MGAM2: variants seen among roughly 807,000 people sequenced by gnomAD.
The protein encoded by MGAM2 is probable maltase-glucoamylase 2.
In MGAM2, 98 loss-of-function variants were observed where a neutral mutation model predicts 96.1. The observed-to-expected ratio is 1.02, with a 90% CI of 0.87 to 1.21. The LOEUF is 1.21. MGAM2 is among the 50% of genes most tolerant of loss of function. The pLI is 0.00. For synonymous variants in MGAM2, 749 were observed against 414.8 expected (o/e 1.81, Z -9.79); for missense variants, 2,055 against 1,182.4 (o/e 1.74, Z -10.82).
At chr7:142,170,878 C>A (rs902321347) in intron 27 of MGAM2, among the ~76,000 whole-genome samples, 1 of 152,136 alleles carries the variant, frequency 6.6e-6, no homozygotes, top group Admixed American at 6.5e-5. Flanking sequence ...GTAAGAAGTC[C>A]TTTGGCCAAC....
intron 6 of MGAM2, among the ~76,000 whole-genome samples, chr7:142,132,322 A>G (rs1398540292): frequency 4.8e-5 from 7 of 146,452 alleles, no homozygotes; most frequent in Non-Finnish European, 9.0e-5. Flanking sequence ...ATATAATTAT[A>G]TAATACATAA....
rs529514306 is a variant in MGAM2 at position 142,209,760 on chromosome 7, T to C, written c.5187+1138T>C. On this transcript the variant is annotated intron_variant, in intron 46 of 47. Transcript: ENST00000477922. ...GACTCCAGTTAACTTAGATTTCTTTTAAAACATCAGAACCGAGAGCATATT... is the reference window on the plus strand; with the variant it reads ...GACTCCAGTTAACTTAGATTTCTTTCAAAACATCAGAACCGAGAGCATATT... Among the ~76,000 whole-genome samples the C allele has an allele frequency of 1.0e-3, 158 of 152,340 alleles. 1 individual carries two copies. The highest frequency in any genetic ancestry group is 3.6e-3 in the African/African-American group (148 of 41,590).
At chr7:142,154,645 C>T (rs1199910407) in intron 16 of MGAM2, 84 bp from the exon 17 acceptor site, 6 of 670,648 alleles carry the variant, frequency 8.9e-6, no homozygotes, top group African/African-American at 3.5e-5. Context: ...CAAAGAGGTT[C>T]TCTTTTCCCT....
At chr7:142,123,018 C>T (rs895106083) in intron 3 of MGAM2, among the ~76,000 whole-genome samples, 1 of 152,038 alleles carries the variant, frequency 6.6e-6, no homozygotes, top group Non-Finnish European at 1.5e-5. Context: ...TTAGTAGAGA[C>T]GGGGTTTCAC....
intron 1 of MGAM2, among the ~76,000 whole-genome samples, chr7:142,112,854 A>C (rs1362449517): frequency 6.6e-6 from 1 of 152,210 alleles, no homozygotes; most frequent in Non-Finnish European, 1.5e-5. Flanking sequence ...TAAATAATTT[A>C]GACTAAAAGA....
At chr7:142,175,249 G>A (rs1274634308) in intron 31 of MGAM2, among the ~76,000 whole-genome samples, 2 of 152,096 alleles carry the variant, frequency 1.3e-5, no homozygotes, top group Non-Finnish European at 2.9e-5. Flanking sequence ...AAATCAGCCA[G>A]ATTTACTGTA....
At chr7:142,132,136 T>C in intron 6 of MGAM2, 51 bp downstream of exon 6, 1 of 638,202 alleles carries the variant, frequency 1.6e-6, no homozygotes, top group South Asian at 1.8e-5. Flanking sequence ...GTTCTAATAT[T>C]ACTCATTCTG....
intron 15 of MGAM2, among the ~76,000 whole-genome samples, chr7:142,150,349 C>T (rs993566447): frequency 1.3e-5 from 2 of 152,160 alleles, no homozygotes; most frequent in Non-Finnish European, 2.9e-5. Flanking sequence ...CCCTCACATA[C>T]GATCAGTCCT....
chr7:142,219,306 C>T (rs575360690), intron 47 of MGAM2, among the ~76,000 whole-genome samples: 63 of 152,186 alleles, frequency 4.1e-4, no homozygotes, highest in African/African-American at 1.4e-3. Context: ...GAAAATGGCC[C>T]CTCTGAGCAC....
rs1247251145 is a variant in MGAM2, at chr7:142,131,532, T to C, written c.325T>C (p.Leu109=). The change falls in exon 5 of 48, where the codon TTG becomes CTG. Residue 109 remains leucine (L), a synonymous_variant. Transcript: ENST00000477922. ...TNTSTGFTAQ[L]KRLPSPSLFG... ...GCCACCCCTAGGATTTACTGCCCAG[T>C]TGAAAAGGTTGCCATCACCATCTCT... The C allele has an allele frequency of 7.1e-6, 5 of 702,866 alleles. No homozygotes were observed. Among genetic ancestry groups the C allele is most frequent in the Non-Finnish European group, 1.3e-5 (5 of 384,940 alleles). The allele number at this position is 702,866 out of a possible 1,614,324, so 43.5% of individuals were successfully genotyped here.
At position 142,140,932 on chromosome 7, in the gene MGAM2, T is replaced by C. The variant is rs746442073; in HGVS notation, c.1217T>C (p.Met406Thr). 6 of 702,406 alleles carry C rather than the reference T, an allele frequency of 8.5e-6. No homozygotes were observed. Among genetic ancestry groups the C allele is most frequent in the South Asian group, 3.0e-5 (2 of 67,406 alleles). The allele number at this position is 702,406 out of a possible 1,614,324, so 43.5% of individuals were successfully genotyped here. ...HDNGQKYLII[M>T]NPGISKNSNY... ...AATGGACAGAAATATCTTATTATTA[T>C]GGTATGTTCAAACACTTGTTACCTT... Residue 406 changes from methionine (M) to threonine (T), a missense_variant and splice_region_variant, in exon 11 of 48, where the codon ATG becomes ACG. By Grantham distance (81) the Met-to-Thr change is moderately conservative (BLOSUM62 -1). Coordinates refer to ENST00000477922, the MANE Select transcript of MGAM2 (RefSeq NM_001293626.2).
chr7:142,188,065 T>C (rs902957587), intron 36 of MGAM2, among the ~76,000 whole-genome samples: 2 of 151,382 alleles, frequency 1.3e-5, no homozygotes, highest in African/African-American at 4.9e-5. Flanking sequence ...TTTGATTCCA[T>C]TGATAACTAT....
At chr7:142,112,577 G>A (rs1817210426) in intron 1 of MGAM2, among the ~76,000 whole-genome samples, 1 of 152,230 alleles carries the variant, frequency 6.6e-6, no homozygotes, top group East Asian at 1.9e-4. Context: ...TTCTCTACCT[G>A]AAATTCCACC....
intron 26 of MGAM2, among the ~76,000 whole-genome samples, chr7:142,168,837 T>TAG (rs1796107732): frequency 6.6e-6 from 1 of 152,198 alleles, no homozygotes; most frequent in African/African-American, 2.4e-5. Flanking sequence ...ATCTTCTAAT[T>TAG]ATTCTAAGTC....
intron 3 of MGAM2, among the ~76,000 whole-genome samples, chr7:142,127,213 C>T (rs775145537): frequency 4.6e-5 from 7 of 152,076 alleles, no homozygotes; most frequent in Non-Finnish European, 1.0e-4. Context: ...TTGGGTTGTA[C>T]ATTGAGTTGT....
chr7:142,181,097 G>A (rs1157670575), intron 32 of MGAM2, among the ~76,000 whole-genome samples: 1 of 152,196 alleles, frequency 6.6e-6, no homozygotes, highest in Non-Finnish European at 1.5e-5. Context: ...TTGTTTGGCA[G>A]TCAGAAGATA....
At position 142,175,742 on chromosome 7, in the gene MGAM2, C is replaced by G. The variant is rs1563277090; in HGVS notation, c.3778C>G (p.Gln1260Glu). 5.7e-6 allele frequency: 4 copies of G among 702,684 alleles called. No homozygotes were observed. Among genetic ancestry groups the G allele is most frequent in the Non-Finnish European group, 1.0e-5 (4 of 384,912 alleles). 43.5% of individuals were successfully genotyped at this position (702,684 alleles called of 1,614,324 possible). ...TCAAAACCTCAGTCTTCTGATTGAGCAAATGAAGAAAAATGGCATGAGATT... is the reference window on the plus strand; with the variant it reads ...TCAAAACCTCAGTCTTCTGATTGAGGAAATGAAGAAAAATGGCATGAGATT... ...NFQNLSLLIE[Q>E]MKKNGMRFIL... Residue 1260 changes from glutamine to glutamate, a missense_variant, in exon 32 of 48, where the codon CAA (glutamine) becomes GAA (glutamate). Coordinates refer to ENST00000477922, the MANE Select transcript of MGAM2 (RefSeq NM_001293626.2).
chr7:142,133,858 C>A, intron 6 of MGAM2, 123 bp from the exon 7 acceptor site: 1 of 508,240 alleles, frequency 2.0e-6, no homozygotes, highest in Non-Finnish European at 3.5e-6. Context: ...TCAAAGGTAG[C>A]AAGAAAATTG....
chr7:142,140,435 AGTTAGTACATG>A (rs1795186830), intron 10 of MGAM2, among the ~76,000 whole-genome samples: 1 of 152,158 alleles, frequency 6.6e-6, no homozygotes, highest in Admixed American at 6.5e-5. Context: ...GCTTGGGTTA[AGTTAGTACATG>A]GTTATAACAT....
Sources: allele counts gnomAD v4.1 joint callset (sites outside exome capture counted in the v4.1 genomes callset), GRCh38; gene constraint gnomAD v4.1.1; transcripts MANE v1.5; gene names NCBI Gene and HGNC (gene_info 2026-07-23, HGNC 2026-07-21).